The following DLGAP2 variants were observed in gnomAD, a reference collection of about 807,000 sequenced individuals.
DLGAP2 encodes the protein disks large-associated protein 2.
In DLGAP2, 26 loss-of-function variants were observed where a neutral mutation model predicts 100.3. The observed-to-expected ratio is 0.26, with a 90% confidence interval of 0.19 to 0.36. DLGAP2 has a LOEUF of 0.36. DLGAP2 is among the 10% of genes least tolerant of loss of function. The pLI, the probability that DLGAP2 is intolerant of heterozygous loss-of-function variation, is 1.00. For missense variants in DLGAP2, 1,858 were observed against 1,453.2 expected, an observed-to-expected ratio of 1.28 and a Z score of -4.53; for synonymous variants, 886 against 630.1, an observed-to-expected ratio of 1.41 and a Z score of -6.08.
chr8:1,135,584 CG>C (rs1796392708), intron 2 of DLGAP2, among the ~76,000 whole-genome samples: 1 of 124,952 alleles, frequency 8.0e-6, no homozygotes, highest in Non-Finnish European at 1.6e-5. Context: ...TTTCAGGAGA[CG>C]GAGCGTGGCA....
At chr8:1,446,122 T>C (rs1215688841) in intron 3 of DLGAP2, among the ~76,000 whole-genome samples, 1 of 152,038 alleles carries the variant, frequency 6.6e-6, no homozygotes, top group African/African-American at 2.4e-5. Flanking sequence ...AATTTTGGCT[T>C]TTGTTGCCAT....
chr8:776,759 T>C (rs1821529979), intron 1 of DLGAP2, among the ~76,000 whole-genome samples: 2 of 152,214 alleles, frequency 1.3e-5, no homozygotes, highest in African/African-American at 4.8e-5. Context: ...TGAGGAGAGC[T>C]TTACTTCCAA....
chr8:1,373,812 A>T (rs1802314727), intron 3 of DLGAP2: 1 of 152,266 alleles, frequency 6.6e-6, no homozygotes, highest in Admixed American at 6.5e-5. Flanking sequence ...AATGCACGGA[A>T]TCTACCCTGC....
chr8:1,386,440 C>T (rs1010829630), intron 3 of DLGAP2, among the ~76,000 whole-genome samples: 38 of 152,296 alleles, frequency 2.5e-4, no homozygotes, highest in African/African-American at 8.7e-4. Context: ...AGATGGCTTC[C>T]ATCTTCTCCA....
At chr8:1,563,279 C>T (rs544018201) in intron 5 of DLGAP2, among the ~76,000 whole-genome samples, 1 of 43,712 alleles carries the variant, frequency 2.3e-5, no homozygotes, top group African/African-American at 1.0e-4. Context: ...GTCTGCGCCT[C>T]GTTGCTGGGG....
chr8:1,066,509 A>G (rs1411522914), intron 2 of DLGAP2, among the ~76,000 whole-genome samples: 16 of 142,582 alleles, frequency 1.1e-4, no homozygotes, highest in African/African-American at 3.7e-4. Flanking sequence ...CTGAGTGAGG[A>G]CAGTTCCCCA....
intron 4 of DLGAP2, among the ~76,000 whole-genome samples, chr8:1,519,861 C>T (rs918507942): frequency 1.3e-5 from 2 of 152,214 alleles, no homozygotes; most frequent in Non-Finnish European, 2.9e-5. Flanking sequence ...CCTTTGGGGG[C>T]ACAGAGCAGG....
intron 3 of DLGAP2, among the ~76,000 whole-genome samples, chr8:1,333,814 C>T (rs1388606155): frequency 2.6e-5 from 4 of 152,312 alleles, no homozygotes; most frequent in African/African-American, 7.2e-5. Flanking sequence ...CATCTCCACC[C>T]GAACTTATCT....
Position 1,501,382 on chromosome 8 carries a change from C to G in DLGAP2, c.123C>G (p.Asp41Glu). 1 of 1,535,872 alleles carries G rather than the reference C, an allele frequency of 6.5e-7. No homozygotes were observed. Among genetic ancestry groups the G allele is most frequent in the Non-Finnish European group, 8.7e-7 (1 of 1,146,746 alleles). Residue 41 changes from aspartate to glutamate, a missense_variant, in exon 4 of 15, where the codon GAC becomes GAG. By Grantham distance (45) the Asp-to-Glu change is conservative. Transcript: ENST00000637795. ...CGEPEEEEAGDLVQPGISFPG... is the reference protein window; with the variant it reads ...CGEPEEEEAGELVQPGISFPG... The stretch of plus-strand genomic sequence containing the variant: ...TCTTTGCAGAGGAAGAAGCTGGAGA[C>G]TTGGTCCAGCCGGGCATCAGCTTTC...
chr8:1,368,397 ATG>A lies in DLGAP2; in HGVS notation c.106+109523_106+109524del, dbSNP rs1036462502. On this transcript the variant is annotated intron_variant, in intron 3 of 14. Coordinates refer to ENST00000637795, the MANE Select transcript of DLGAP2 (RefSeq NM_001346810.2). ...TGTGCATATGTGCATGTGTGTGGGT[ATG>A]TGTGTGTGCATGTATGTATGTGTGC... is the stretch of plus-strand genomic sequence containing the variant. Among the ~76,000 whole-genome samples, 478 of 149,982 alleles carry A rather than the reference ATG, an allele frequency of 3.2e-3. 3 individuals are homozygous for A. The highest frequency in any genetic ancestry group is 0.011 in the African/African-American group (454 of 41,284).
intron 6 of DLGAP2, among the ~76,000 whole-genome samples, chr8:1,592,799 A>T (rs915777642): frequency 6.6e-6 from 1 of 152,150 alleles, no homozygotes; most frequent in African/African-American, 2.4e-5. Flanking sequence ...ATCCCACAGT[A>T]ATTGTCAGGC....
At chr8:1,018,259 A>G (rs1026587358) in intron 2 of DLGAP2, among the ~76,000 whole-genome samples, 4 of 152,130 alleles carry the variant, frequency 2.6e-5, no homozygotes, top group Non-Finnish European at 5.9e-5. Context: ...CTCTGACACC[A>G]TAGGACTTCC....
chr8:1,174,039 A>G (rs1797195250), intron 2 of DLGAP2, among the ~76,000 whole-genome samples: 1 of 152,066 alleles, frequency 6.6e-6, no homozygotes, highest in Non-Finnish European at 1.5e-5. Flanking sequence ...GCTCGATCCC[A>G]TTGTTCATGA....
Position 960,833 on chromosome 8 carries a change from A to G in DLGAP2, c.73+52867A>G, listed in dbSNP as rs562608129. 5.9e-5 allele frequency among the ~76,000 whole-genome samples: 9 copies of G among 152,364 alleles called. No homozygotes were observed. The South Asian group carries it at 1.2e-3, about 21-fold the overall frequency. ...TTGAAACATCATAAGTTGAACCATT[A>G]TAAGTCCAAATGCTTCTTGACTTAC... On this transcript the variant is annotated intron_variant, in intron 2 of 14. Transcript: ENST00000637795.
intron 1 of DLGAP2, among the ~76,000 whole-genome samples, chr8:892,045 C>G (rs552311210): frequency 6.6e-6 from 1 of 152,332 alleles, no homozygotes; most frequent in African/African-American, 2.4e-5. Context: ...GTCAAAACCG[C>G]AGATAATAGC....
chr8:909,119 T>G (rs1032464273), intron 2 of DLGAP2, among the ~76,000 whole-genome samples: 2 of 152,224 alleles, frequency 1.3e-5, no homozygotes, highest in Non-Finnish European at 2.9e-5. Context: ...GTCCCTGTTT[T>G]GTTTTCTTTT....
chr8:1,332,863 C>T (rs560951335), intron 3 of DLGAP2, among the ~76,000 whole-genome samples: 1 of 152,186 alleles, frequency 6.6e-6, no homozygotes, highest in South Asian at 2.1e-4. Context: ...TTGCTGGGTG[C>T]AGCAGACACG....
At chr8:1,145,751 T>C (rs1427070851) in intron 2 of DLGAP2, among the ~76,000 whole-genome samples, 1 of 144,922 alleles carries the variant, frequency 6.9e-6, no homozygotes, top group East Asian at 2.2e-4. Context: ...CTCCTAATGC[T>C]ATCCCTCCCC....
intron 2 of DLGAP2, among the ~76,000 whole-genome samples, chr8:1,074,614 G>A (rs563050923): frequency 3.9e-5 from 6 of 152,308 alleles, no homozygotes; most frequent in African/African-American, 1.4e-4. Flanking sequence ...ATCAGTAACA[G>A]ACTTGCAAGG....
Sources: allele counts gnomAD v4.1 joint callset (sites outside exome capture counted in the v4.1 genomes callset), GRCh38; gene constraint gnomAD v4.1.1; transcripts MANE v1.5; gene names NCBI Gene and HGNC (gene_info 2026-07-23, HGNC 2026-07-21).